DNAJC24: variants seen among roughly 807,000 people sequenced by gnomAD.
The protein encoded by DNAJC24 is dnaJ homolog subfamily C member 24.
Under a neutral mutation model 18.0 loss-of-function variants are expected in DNAJC24, and 17 were observed. That is an observed-to-expected ratio of 0.94 (90% confidence interval 0.65 to 1.42). DNAJC24 has a LOEUF of 1.42. DNAJC24 is among the 40% of genes most tolerant of loss of function. The pLI, the probability that DNAJC24 is intolerant of heterozygous loss-of-function variation, is 0.00. For synonymous variants in DNAJC24, 55 were observed against 57.7 expected (o/e 0.95, Z 0.21); for missense variants, 158 against 175.6 (o/e 0.90, Z 0.57).
intron 2 of DNAJC24, among the ~76,000 whole-genome samples, chr11:31,386,282 T>C (rs1238925898): frequency 6.6e-6 from 1 of 151,246 alleles, no homozygotes; most frequent in Non-Finnish European, 1.5e-5. Flanking sequence ...CAGGGAGTAC[T>C]TGCATCAACC....
chr11:31,411,893 C>T (rs1952714110), intron 2 of DNAJC24, among the ~76,000 whole-genome samples: 1 of 152,188 alleles, frequency 6.6e-6, no homozygotes. Context: ...TAGACCTTCA[C>T]TTTGCTCTGC....
chr11:31,410,702 G>C (rs942815970), intron 2 of DNAJC24, among the ~76,000 whole-genome samples: 2 of 152,200 alleles, frequency 1.3e-5, no homozygotes, highest in African/African-American at 2.4e-5. Context: ...GAATTAGAAG[G>C]ATTGAGGTTA....
chr11:31,393,341 G>A (rs1030247978), intron 2 of DNAJC24, among the ~76,000 whole-genome samples: 5 of 152,152 alleles, frequency 3.3e-5, no homozygotes, highest in Admixed American at 1.3e-4. Context: ...AGGACGTGGG[G>A]TATGGCAATA....
intron 4 of DNAJC24, chr11:31,429,428 A>G: frequency 2.8e-6 from 1 of 362,482 alleles, no homozygotes. Context: ...TTATGTAATA[A>G]TCAATTATAA....
chr11:31,423,587 G>C (rs1475141913), intron 3 of DNAJC24, among the ~76,000 whole-genome samples: 1 of 152,106 alleles, frequency 6.6e-6, no homozygotes, highest in Non-Finnish European at 1.5e-5. Context: ...ACTTCTTCCA[G>C]TTACCACTAA....
chr11:31,392,426 C>T (rs1257295346), intron 2 of DNAJC24, among the ~76,000 whole-genome samples: 1 of 152,114 alleles, frequency 6.6e-6, no homozygotes, highest in Non-Finnish European at 1.5e-5. Flanking sequence ...ATAAGGCCCA[C>T]TCCTAGTAGT....
intron 2 of DNAJC24, among the ~76,000 whole-genome samples, chr11:31,376,214 G>T (rs1952313729): frequency 6.6e-6 from 1 of 152,070 alleles, no homozygotes; most frequent in South Asian, 2.1e-4. Flanking sequence ...ATGATTGCGA[G>T]GCCTCCCCAG....
chr11:31,384,783 CTT>C (rs1418591193), intron 2 of DNAJC24: 3 of 152,070 alleles, frequency 2.0e-5, no homozygotes, highest in Non-Finnish European at 4.4e-5. Context: ...ACATTTTTCT[CTT>C]GAGATTTTCA....
intron 2 of DNAJC24, among the ~76,000 whole-genome samples, chr11:31,410,289 C>G (rs1047355373): frequency 6.6e-6 from 1 of 152,162 alleles, no homozygotes; most frequent in Non-Finnish European, 1.5e-5. Flanking sequence ...TTCCTAATAA[C>G]TAATAAAAAA....
At chr11:31,384,154 TAAG>T (rs1195817403) in intron 2 of DNAJC24, among the ~76,000 whole-genome samples, 7 of 152,214 alleles carry the variant, frequency 4.6e-5, no homozygotes, top group South Asian at 2.1e-4. Context: ...CCATTGTAAA[TAAG>T]AAGCCCTCTT....
chr11:31,408,241 A>T (rs913857557), intron 2 of DNAJC24: 1 of 455,218 alleles, frequency 2.2e-6, no homozygotes, highest in Non-Finnish European at 4.4e-6. Flanking sequence ...CAAGGCAAAC[A>T]GTGTGCTTCT....
In DNAJC24 at chr11:31,430,498, C is replaced by G; in HGVS notation, c.*97C>G. 9.0e-7 allele frequency: 1 copy of G among 1,108,752 alleles called. No homozygotes were observed. Among genetic ancestry groups the G allele is most frequent in the South Asian group, 2.3e-5 (1 of 42,804 alleles). The allele number at this position is 1,108,752 out of a possible 1,614,324, so 68.7% of individuals were successfully genotyped here. A position where few individuals can be genotyped will look rare whatever the true frequency, so the allele number is the denominator to read the frequency against. On this transcript the variant is annotated 3_prime_UTR_variant, in exon 5 of 5. Coordinates refer to ENST00000465995, the MANE Select transcript of DNAJC24 (RefSeq NM_181706.5). ...TCAAGGAAATGGATTATTTGTCAGC[C>G]CGATTATTTGCAAAGAAAATATACA...
chr11:31,372,693 A>G lies in DNAJC24; in HGVS notation c.111+1834A>G, dbSNP rs1319550397. Among the ~76,000 whole-genome samples the G allele has an allele frequency of 2.9e-5, 4 of 135,986 alleles. 1 individual carries two copies. Among genetic ancestry groups the G allele is most frequent in the Non-Finnish European group, 3.4e-5 (2 of 58,742 alleles). 89.2% of individuals were successfully genotyped at this position (135,986 alleles called of 152,430 possible). ...AAATCATTTCACATATGCGCTAACA[A>G]TGTATCAGAGAATTCTGGTTGCTCT... On this transcript the variant is annotated intron_variant, in intron 2 of 4. Transcript: ENST00000465995.
intron 2 of DNAJC24, among the ~76,000 whole-genome samples, chr11:31,381,851 A>C (rs1038330845): frequency 2.6e-5 from 4 of 152,182 alleles, no homozygotes; most frequent in Non-Finnish European, 5.9e-5. Flanking sequence ...TGCTGGGATT[A>C]CAGGTGTGAG....
chr11:31,382,492 A>G (rs1378674419), intron 2 of DNAJC24, among the ~76,000 whole-genome samples: 4 of 152,204 alleles, frequency 2.6e-5, no homozygotes, highest in Admixed American at 2.6e-4. Flanking sequence ...ATACAGAATA[A>G]TGACATTATA....
chr11:31,398,216 C>A (rs979084274), intron 2 of DNAJC24, among the ~76,000 whole-genome samples: 3 of 151,406 alleles, frequency 2.0e-5, no homozygotes, highest in Non-Finnish European at 4.4e-5. Context: ...TCTTCTTTTA[C>A]TCTTTTTTTT....
intron 2 of DNAJC24, chr11:31,408,017 G>C: frequency 2.3e-6 from 1 of 443,528 alleles, no homozygotes; most frequent in Admixed American, 2.4e-5. Context: ...GTGGAATGAA[G>C]AAGTTGACAT....
intron 2 of DNAJC24, among the ~76,000 whole-genome samples, chr11:31,394,851 A>C (rs1468856988): frequency 2.0e-5 from 3 of 152,172 alleles, no homozygotes; most frequent in African/African-American, 7.2e-5. Flanking sequence ...AAAAGCAAAA[A>C]TCATGCATTA....
chr11:31,370,059 T>C, intron 1 of DNAJC24, 147 bp downstream of exon 1: 1 of 152,342 alleles, frequency 6.6e-6, no homozygotes, highest in Non-Finnish European at 1.5e-5. Flanking sequence ...TGGGAAGAGG[T>C]TGCCTGATTT....
Sources: gnomAD v4.1 joint callset for allele counts (sites outside exome capture counted in the v4.1 genomes callset) on GRCh38, gnomAD v4.1.1 for gene constraint, MANE v1.5 for transcripts, NCBI Gene and HGNC (gene_info 2026-07-23, HGNC 2026-07-21) for gene names.